The following SIRPG variants were observed in gnomAD, a reference collection of about 807,000 sequenced individuals.
SIRPG encodes signal regulatory protein gamma.
Under a neutral mutation model 35.7 loss-of-function variants are expected in SIRPG, and 38 were observed. That is an observed-to-expected ratio of 1.06 (90% CI 0.82 to 1.40). SIRPG has a LOEUF of 1.40. Ranked by LOEUF, SIRPG falls within the 40% of genes most tolerant of loss-of-function variation. The pLI is 0.00. For missense variants in SIRPG, 519 were observed against 483.0 expected (o/e 1.07, Z -0.70); for synonymous variants, 215 against 190.4 (o/e 1.13, Z -1.06).
upstream of SIRPG, among the ~76,000 whole-genome samples, chr20:1,662,447 C>A (rs1477785885): frequency 6.6e-6 from 1 of 152,190 alleles, no homozygotes; most frequent in Non-Finnish European, 1.5e-5. Flanking sequence ...TAAAAATATA[C>A]CAGAGTGTCC....
chr20:1,645,637 T>C (rs1346644339), intron 2 of SIRPG, among the ~76,000 whole-genome samples: 1 of 152,218 alleles, frequency 6.6e-6, no homozygotes, highest in African/African-American at 2.4e-5. Context: ...CCCTACAGTC[T>C]GTGATGTCGG....
chr20:1,636,112 G>C, intron 3 of SIRPG, 76 bp downstream of exon 3: 1 of 1,600,740 alleles, frequency 6.2e-7, no homozygotes, highest in Non-Finnish European at 8.5e-7. Context: ...TTCAACCTCT[G>C]GAGCAACAGC....
the SIRPG span, among the ~76,000 whole-genome samples, chr20:1,678,613 T>G: frequency 1.3e-5 from 2 of 152,128 alleles, no homozygotes; most frequent in Non-Finnish European, 2.9e-5. Context: ...TACACATTAC[T>G]AGAGTTCTGG....
chr20:1,631,204 C>T (rs1047239154), intron 4 of SIRPG, among the ~76,000 whole-genome samples: 18 of 152,080 alleles, frequency 1.2e-4, no homozygotes, highest in Non-Finnish European at 4.4e-5. Context: ...CTGGTGGGTC[C>T]TTAAGGAAGA....
At chr20:1,654,933 T>A (rs568231730) in intron 1 of SIRPG, among the ~76,000 whole-genome samples, 1 of 152,208 alleles carries the variant, frequency 6.6e-6, no homozygotes, top group African/African-American at 2.4e-5. Context: ...TAAAAAAAAA[T>A]CCAACCTTAC....
At chr20:1,640,597 T>TA (rs1049937620) in intron 2 of SIRPG, among the ~76,000 whole-genome samples, 25 of 152,196 alleles carry the variant, frequency 1.6e-4, no homozygotes, top group Non-Finnish European at 5.9e-5. Flanking sequence ...GAATACCCCT[T>TA]ATTTCCTTCT....
chr20:1,663,169 C>A, the SIRPG span, among the ~76,000 whole-genome samples: 1 of 151,984 alleles, frequency 6.6e-6, no homozygotes, highest in Non-Finnish European at 1.5e-5. Context: ...AAAAATTAGC[C>A]GGGCGTGGTG....
At chr20:1,645,012 C>T (rs1387942808) in intron 2 of SIRPG, among the ~76,000 whole-genome samples, 1 of 152,188 alleles carries the variant, frequency 6.6e-6, no homozygotes, top group Admixed American at 6.5e-5. Context: ...TGCGTGACAT[C>T]TTGGTGTTTT....
At chr20:1,681,723 C>A in the SIRPG span, among the ~76,000 whole-genome samples, 1 of 152,100 alleles carries the variant, frequency 6.6e-6, no homozygotes, top group Non-Finnish European at 1.5e-5. Context: ...GTGGTCCCAG[C>A]TATTCAGGAG....
intron 2 of SIRPG, among the ~76,000 whole-genome samples, chr20:1,643,588 T>G (rs762242315): frequency 6.6e-6 from 1 of 152,214 alleles, no homozygotes; most frequent in Non-Finnish European, 1.5e-5. Flanking sequence ...GTCCATTTCC[T>G]CCTTTGTCCA....
At chr20:1,660,637 G>A (rs1385956529), upstream of SIRPG, among the ~76,000 whole-genome samples, 1 of 152,154 alleles carries the variant, frequency 6.6e-6, no homozygotes, top group Non-Finnish European at 1.5e-5. Context: ...AAATCACGTG[G>A]AGAATTGAAA....
the SIRPG span, among the ~76,000 whole-genome samples, chr20:1,683,598 A>C: frequency 2.2e-3 from 336 of 152,326 alleles, 1 homozygote; most frequent in Middle Eastern, 3.4e-3. Flanking sequence ...TCCAACCTGG[A>C]GGATACTATG....
At chr20:1,643,039 T>C (rs1186616483) in intron 2 of SIRPG, among the ~76,000 whole-genome samples, 1 of 152,164 alleles carries the variant, frequency 6.6e-6, no homozygotes, top group Non-Finnish European at 1.5e-5. Context: ...GTCTGATTAT[T>C]ATGTGTCTTG....
chr20:1,633,538 T>A (rs1392762895), intron 4 of SIRPG: 1 of 152,240 alleles, frequency 6.6e-6, no homozygotes, highest in Non-Finnish European at 1.5e-5. Context: ...GGATTCCATT[T>A]GGAACTGCGT....
At chr20:1,669,172 G>A in the SIRPG span, among the ~76,000 whole-genome samples, 1 of 152,160 alleles carries the variant, frequency 6.6e-6, no homozygotes, top group Non-Finnish European at 1.5e-5. Context: ...TGCCGTACAG[G>A]CTGATAGTGG....
At chr20:1,634,134 TG>T (rs1172471036) in intron 4 of SIRPG, among the ~76,000 whole-genome samples, 4 of 151,922 alleles carry the variant, frequency 2.6e-5, no homozygotes, top group Admixed American at 2.6e-4. Context: ...TGATTATTGT[TG>T]CTCAAATATC....
At chr20:1,646,516 C>G (rs1305730067) in intron 2 of SIRPG, 1 of 152,260 alleles carries the variant, frequency 6.6e-6, no homozygotes, top group Admixed American at 6.5e-5. Context: ...GGGGAGAGTC[C>G]TAAACGCTTC....
chr20:1,677,300 A>G, the SIRPG span, among the ~76,000 whole-genome samples: 1 of 152,184 alleles, frequency 6.6e-6, no homozygotes, highest in African/African-American at 2.4e-5. Flanking sequence ...GGCCATATGG[A>G]GTATTGCAAT....
At chr20:1,655,897 T>C (rs1045168422) in intron 1 of SIRPG, among the ~76,000 whole-genome samples, 1 of 152,128 alleles carries the variant, frequency 6.6e-6, no homozygotes, top group African/African-American at 2.4e-5. Flanking sequence ...CATGTACATG[T>C]ACATGCATAG....
Sources: gnomAD v4.1 joint callset for allele counts (sites outside exome capture counted in the v4.1 genomes callset) on GRCh38, gnomAD v4.1.1 for gene constraint, MANE v1.5 for transcripts, NCBI Gene and HGNC (gene_info 2026-07-23, HGNC 2026-07-21) for gene names.